The following MYT1 variants were observed in gnomAD, a reference collection of about 807,000 sequenced individuals.
The protein encoded by MYT1 is myelin transcription factor 1, also known as myelin transcription factor I.
MYT1 carries 23 observed loss-of-function variants against 123.0 expected under a neutral mutation model. The ratio of observed to expected loss-of-function variants is 0.19; its 90% confidence interval spans 0.13 to 0.26. The LOEUF is 0.26. Among genes scored for constraint, MYT1 ranks in the 10% least tolerant of loss-of-function variants. The pLI is 1.00. For synonymous variants in MYT1, 518 were observed against 575.3 expected (o/e 0.90, Z 1.43); for missense variants, 1,125 against 1,472.5 (o/e 0.76, Z 3.86).
At position 64,202,049 on chromosome 20, in the gene MYT1, C is replaced by CCCCGCG. The variant is rs1983336390; in HGVS notation, c.86+2127_86+2128insCCCGCG. Among the ~76,000 whole-genome samples the CCCCGCG allele has an allele frequency of 1.3e-5, 2 of 151,562 alleles. No individual in the cohort carries two copies. The highest frequency in any genetic ancestry group is 2.4e-5 in the African/African-American group (1 of 41,318). The stretch of plus-strand genomic sequence containing the variant: ...TCGGGAACCCCCGCGTGTCGGGAAC[C>CCCCGCG]TCTGCGTGTCGGGAACCCCTGTGTG... On this transcript the variant is annotated intron_variant, in intron 4 of 22. Coordinates refer to ENST00000328439, the MANE Select transcript of MYT1 (RefSeq NM_004535.3). This position sits in a 1 kb window ranked among gnomAD's most constrained non-coding sequence, Gnocchi z 5.0.
chr20:64,236,051 C>T (rs867688764), intron 19 of MYT1, among the ~76,000 whole-genome samples: 7,224 of 16,748 alleles, frequency 0.43, 1,611 homozygotes, highest in African/African-American at 0.68. Flanking sequence ...GGGATGGTCG[C>T]GGTGGGTGAC....
At chr20:64,238,549 C>T (rs1015193184) in intron 21 of MYT1, among the ~76,000 whole-genome samples, 1 of 152,246 alleles carries the variant, frequency 6.6e-6, no homozygotes, top group Non-Finnish European at 1.5e-5. Context: ...GAAGGATTTT[C>T]GCTGTCATGC....
At chr20:64,224,351 A>T (rs929450713) in intron 16 of MYT1, among the ~76,000 whole-genome samples, 3 of 152,146 alleles carry the variant, frequency 2.0e-5, no homozygotes, top group Non-Finnish European at 2.9e-5. Context: ...TGAGGAAATG[A>T]ACTTGCTGAA....
At chr20:64,176,621 G>A (rs1448834697) in intron 1 of MYT1, among the ~76,000 whole-genome samples, 1 of 152,268 alleles carries the variant, frequency 6.6e-6, no homozygotes, top group Non-Finnish European at 1.5e-5. Flanking sequence ...ACCCCACTTG[G>A]AGCTGAGGAT....
chr20:64,200,974 G>T (rs1339247437), intron 4 of MYT1, among the ~76,000 whole-genome samples: 1 of 152,222 alleles, frequency 6.6e-6, no homozygotes, highest in East Asian at 1.9e-4. Flanking sequence ...TGGCCAGCCT[G>T]CTGAAGAAGC....
intron 2 of MYT1, among the ~76,000 whole-genome samples, chr20:64,195,891 T>C (rs1049905951): frequency 6.6e-6 from 1 of 152,234 alleles, no homozygotes; most frequent in African/African-American, 2.4e-5. Context: ...TTTGCATTTA[T>C]GAATTATTCT....
At chr20:64,188,834 G>A (rs927638578) in intron 1 of MYT1, among the ~76,000 whole-genome samples, 1 of 152,210 alleles carries the variant, frequency 6.6e-6, no homozygotes, top group African/African-American at 2.4e-5. Context: ...TGCGGTGGGA[G>A]CCCTGTCATC....
At chr20:64,223,507 C>T (rs796833694) in intron 16 of MYT1, 148 bp downstream of exon 16, 21 of 871,816 alleles carry the variant, frequency 2.4e-5, no homozygotes, top group African/African-American at 8.3e-5. Context: ...GGGGCAGGGC[C>T]GTGGAGGGGC....
At position 64,236,284 on chromosome 20, in the gene MYT1, CTGGCCGCGGTGGGTGACCCTGGGA is replaced by C. The variant is rs1568723110; in HGVS notation, c.2898-247_2898-224del. Among the ~76,000 whole-genome samples, 18 of 120,382 alleles carry C rather than the reference CTGGCCGCGGTGGGTGACCCTGGGA, an allele frequency of 1.5e-4. 1 individual carries two copies. In the East Asian group the frequency reaches 2.9e-3, roughly 19 times the overall value. The allele number at this position is 120,382 out of a possible 152,430, so 79.0% of individuals were successfully genotyped here. ...GATGGCGGTGGTGGGTGACCCGGGG[CTGGCCGCGGTGGGTGACCCTGGGA>C]TGGCCGCGGTGGGTGACCCTGGGCT... On this transcript the variant is annotated intron_variant, in intron 19 of 22. Transcript: ENST00000328439.
In MYT1 at chr20:64,193,314, A is replaced by T. The variant is rs1408094723; in HGVS notation, c.-1+3154A>T. ...CTTTCTATATCTGTTCTGTGGGCTG[A>T]GCTGGCAGGCAGGTCCATGCACCAA... is the stretch of plus-strand genomic sequence containing the variant. On this transcript the variant is annotated intron_variant, in intron 2 of 22. Transcript: ENST00000328439. This position sits in a 1 kb window ranked among gnomAD's most constrained non-coding sequence, Gnocchi z 4.0. 6.6e-6 allele frequency among the ~76,000 whole-genome samples: 1 copy of T among 152,132 alleles called. No individual in the cohort carries two copies. Among genetic ancestry groups the T allele is most frequent in the Non-Finnish European group, 1.5e-5 (1 of 68,016 alleles).
At chr20:64,201,367 G>A (rs1983293390) in intron 4 of MYT1, among the ~76,000 whole-genome samples, 2 of 152,176 alleles carry the variant, frequency 1.3e-5, no homozygotes, top group African/African-American at 4.8e-5. Context: ...GACATATTTG[G>A]TAATAGTGAG....
At chr20:64,223,500 G>C in intron 16 of MYT1, 141 bp downstream of exon 16, 1 of 943,876 alleles carries the variant, frequency 1.1e-6, no homozygotes, top group Non-Finnish European at 1.7e-6. Context: ...GGGCAGAGGG[G>C]CAGGGCCGTG....
At position 64,189,752 on chromosome 20, in the gene MYT1, C is replaced by T. The variant is rs1446039906; in HGVS notation, c.-98-311C>T. On this transcript the variant is annotated intron_variant, in intron 1 of 22. Coordinates refer to ENST00000328439, the MANE Select transcript of MYT1 (RefSeq NM_004535.3). The surrounding 1 kb of genome is among the most constrained non-coding windows in gnomAD (Gnocchi z 5.5). Reference sequence around the variant, plus strand: ...TGCCAAGTTTTCTCAAGGTGGCTCTCAGCTGCCTTGTCCCAGCACTCTGCT... The same window carrying T: ...TGCCAAGTTTTCTCAAGGTGGCTCTTAGCTGCCTTGTCCCAGCACTCTGCT... Among the ~76,000 whole-genome samples, 2 of 152,214 alleles carry T rather than the reference C, an allele frequency of 1.3e-5. No homozygotes were observed. Among genetic ancestry groups the T allele is most frequent in the Non-Finnish European group, 1.5e-5 (1 of 68,046 alleles).
chr20:64,238,524 C>G (rs1181157554), intron 21 of MYT1, among the ~76,000 whole-genome samples: 2 of 152,222 alleles, frequency 1.3e-5, no homozygotes, highest in South Asian at 2.1e-4. Flanking sequence ...AATAGCATCA[C>G]CCCACAGGGA....
intron 1 of MYT1, among the ~76,000 whole-genome samples, chr20:64,170,895 A>AGAGAGAGC (rs1982250698): frequency 1.3e-5 from 1 of 74,610 alleles, no homozygotes; most frequent in South Asian, 5.6e-4. Flanking sequence ...AGAGAGAGAG[A>AGAGAGAGC]GAGAGAGAGA....
chr20:64,234,730 TGGGCTGGCCGTGGTATGTGACCCG>T (rs1420160285), intron 19 of MYT1, among the ~76,000 whole-genome samples: 1 of 96,440 alleles, frequency 1.0e-5, no homozygotes, highest in Non-Finnish European at 1.9e-5. Context: ...TGAGTGACCC[TGGGCTGGCCGTGGTATGTGACCCG>T]GGGCTGGCCG....
chr20:64,240,090 T>A (rs1485795966), intron 22 of MYT1, among the ~76,000 whole-genome samples, 187 bp downstream of exon 22: 1 of 152,184 alleles, frequency 6.6e-6, no homozygotes, highest in Non-Finnish European at 1.5e-5. Flanking sequence ...GCCACCATAA[T>A]GAGTAGCTGC....
At chr20:64,205,190 A>G in intron 5 of MYT1, 93 bp downstream of exon 5, 16 of 1,447,550 alleles carry the variant, frequency 1.1e-5, no homozygotes, top group South Asian at 8.2e-5. Context: ...ATCTTTTTCC[A>G]TGGCTCCCAA....
rs1190535844 is a variant in MYT1, at chr20:64,193,023, C to T, written c.-1+2863C>T. Among the ~76,000 whole-genome samples, 2 of 152,156 alleles carry T rather than the reference C, an allele frequency of 1.3e-5. No homozygotes were observed. The highest frequency in any genetic ancestry group is 3.9e-4 in the East Asian group (2 of 5,194). Reference sequence around the variant, plus strand: ...CATGCTTAGAGCTGTCAAGAGAACCCCTTCTCAGACATGTGTTAAATAATG... The same window carrying T: ...CATGCTTAGAGCTGTCAAGAGAACCTCTTCTCAGACATGTGTTAAATAATG... On this transcript the variant is annotated intron_variant, in intron 2 of 22. Coordinates refer to ENST00000328439, the MANE Select transcript of MYT1 (RefSeq NM_004535.3). This position sits in a 1 kb window ranked among gnomAD's most constrained non-coding sequence, Gnocchi z 4.0.
Sources: gnomAD v4.1 joint callset for allele counts (sites outside exome capture counted in the v4.1 genomes callset) on GRCh38, gnomAD v4.1.1 for gene constraint, Gnocchi (gnomAD v3.1) non-coding constraint, MANE v1.5 for transcripts, NCBI Gene and HGNC (gene_info 2026-07-23, HGNC 2026-07-21) for gene names.